STARD13: variants seen among roughly 807,000 people sequenced by gnomAD.
The protein encoded by STARD13 is stAR-related lipid transfer protein 13.
Under a neutral mutation model 106.4 loss-of-function variants are expected in STARD13, and 62 were observed. The ratio of observed to expected loss-of-function variants is 0.58; its 90% CI spans 0.48 to 0.72. STARD13 has a LOEUF of 0.72. Among genes scored for constraint, STARD13 ranks in the 30% least tolerant of loss-of-function variants. STARD13 has a pLI of 0.00. For synonymous variants in STARD13, 565 were observed against 553.0 expected (o/e 1.02, Z -0.31); for missense variants, 1,387 against 1,424.0 (o/e 0.97, Z 0.42).
the STARD13 span, among the ~76,000 whole-genome samples, chr13:33,379,225 G>T: frequency 1.2e-4 from 18 of 152,266 alleles, 1 homozygote; most frequent in Middle Eastern, 0.02. Context: ...TCCTTAGAGA[G>T]CTCTTATGAC....
At chr13:33,347,352 C>T (rs1269705697), downstream of STARD13, among the ~76,000 whole-genome samples, 1 of 152,224 alleles carries the variant, frequency 6.6e-6, no homozygotes, top group Non-Finnish European at 1.5e-5. Context: ...TCTCATGCCT[C>T]AGCCTCCCAT....
At chr13:33,551,186 A>C in the STARD13 span, among the ~76,000 whole-genome samples, 1 of 152,168 alleles carries the variant, frequency 6.6e-6, no homozygotes, top group South Asian at 2.1e-4. Context: ...GACATGTGCC[A>C]TTTTATTACC....
At chr13:33,461,687 T>C in the STARD13 span, among the ~76,000 whole-genome samples, 7 of 152,176 alleles carry the variant, frequency 4.6e-5, no homozygotes, top group Admixed American at 3.9e-4. Flanking sequence ...TTTTATCTTG[T>C]AGTGATTTTT....
intron 1 of STARD13, among the ~76,000 whole-genome samples, chr13:33,259,996 CAA>C (rs35410044): frequency 0.03 from 3,110 of 101,986 alleles, 84 homozygotes; most frequent in African/African-American, 0.1. Context: ...ATTCCATCTC[CAA>C]AAAAAAAAAA....
the STARD13 span, among the ~76,000 whole-genome samples, chr13:33,604,261 T>G: frequency 1.3e-5 from 2 of 152,058 alleles, no homozygotes; most frequent in Non-Finnish European, 2.9e-5. Context: ...ATGATAAGGA[T>G]CTGAGAGGCA....
chr13:33,437,791 A>C, the STARD13 span, among the ~76,000 whole-genome samples: 1 of 152,206 alleles, frequency 6.6e-6, no homozygotes, highest in Non-Finnish European at 1.5e-5. Flanking sequence ...TCCTTCTCCC[A>C]GAGTGCTTTC....
At chr13:33,312,543 A>T (rs894827449) in intron 1 of STARD13, among the ~76,000 whole-genome samples, 1 of 152,208 alleles carries the variant, frequency 6.6e-6, no homozygotes, top group Non-Finnish European at 1.5e-5. Flanking sequence ...GGTAAAAGTC[A>T]AAAGATGGTA....
chr13:33,293,035 G>A (rs953563545), intron 1 of STARD13, among the ~76,000 whole-genome samples: 1 of 152,188 alleles, frequency 6.6e-6, no homozygotes, highest in Admixed American at 6.5e-5. Context: ...CAGCTGCAGT[G>A]TTGCATGGAG....
At chr13:33,541,260 G>C in the STARD13 span, among the ~76,000 whole-genome samples, 2 of 152,106 alleles carry the variant, frequency 1.3e-5, no homozygotes, top group Admixed American at 6.5e-5. Flanking sequence ...CCACACATTT[G>C]ATTTTAGGGT....
chr13:33,157,622 A>G (rs1882141103), intron 3 of STARD13, among the ~76,000 whole-genome samples: 1 of 152,176 alleles, frequency 6.6e-6, no homozygotes, highest in Non-Finnish European at 1.5e-5. Flanking sequence ...GTGAGCTGAG[A>G]TTGCACCACT....
At chr13:33,368,032 T>G in the STARD13 span, among the ~76,000 whole-genome samples, 2 of 152,098 alleles carry the variant, frequency 1.3e-5, no homozygotes, top group African/African-American at 4.8e-5. Flanking sequence ...TGGGGTTTCC[T>G]TCCTCTTTCT....
intron 9 of STARD13, 125 bp downstream of exon 9, chr13:33,112,596 A>G: frequency 1.3e-6 from 1 of 775,836 alleles, no homozygotes; most frequent in South Asian, 2.0e-5. Context: ...CTACCTATCT[A>G]TCTATAATCT....
At chr13:33,409,122 C>T in the STARD13 span, among the ~76,000 whole-genome samples, 5 of 151,940 alleles carry the variant, frequency 3.3e-5, no homozygotes, top group Non-Finnish European at 5.9e-5. Context: ...GAAGTCAAGA[C>T]TTTGTTTTAT....
At chr13:33,661,836 A>G in the STARD13 span, among the ~76,000 whole-genome samples, 1,646 of 151,890 alleles carry the variant, frequency 0.011, 32 homozygotes, top group African/African-American at 0.038. Context: ...GAGTGTACAT[A>G]TATGTGTATC....
At chr13:33,201,510 T>C (rs955762476) in intron 1 of STARD13, among the ~76,000 whole-genome samples, 1 of 152,234 alleles carries the variant, frequency 6.6e-6, no homozygotes, top group African/African-American at 2.4e-5. Flanking sequence ...ACAATTTACA[T>C]AGTTTTCTTC....
the STARD13 span, among the ~76,000 whole-genome samples, chr13:33,596,474 A>G: frequency 5.9e-5 from 9 of 152,320 alleles, no homozygotes; most frequent in Non-Finnish European, 2.9e-5. Context: ...ATGTTTTGAT[A>G]TATGCATACA....
the STARD13 span, chr13:33,359,555 C>A: frequency 6.3e-6 from 1 of 159,388 alleles, no homozygotes. Flanking sequence ...ATCCCAGCTA[C>A]TCGGGAGGCT....
At chr13:33,304,236 G>A (rs1443653329) in intron 1 of STARD13, among the ~76,000 whole-genome samples, 8 of 152,008 alleles carry the variant, frequency 5.3e-5, no homozygotes, top group Admixed American at 5.2e-4. Flanking sequence ...TGCTTTGATG[G>A]TTTCTATTTT....
chr13:33,143,593 C>T (rs1413611496), intron 3 of STARD13, among the ~76,000 whole-genome samples: 40 of 152,174 alleles, frequency 2.6e-4, no homozygotes, highest in Admixed American at 2.4e-3. Flanking sequence ...CACTCTGTTG[C>T]TCAGGCTGGA....
Sources: gnomAD v4.1 joint callset for allele counts (sites outside exome capture counted in the v4.1 genomes callset) on GRCh38, gnomAD v4.1.1 for gene constraint, MANE v1.5 for transcripts, NCBI Gene and HGNC (gene_info 2026-07-23, HGNC 2026-07-21) for gene names.